Variants in ZKSCAN7 observed in about 807,000 individuals in gnomAD.
The protein encoded by ZKSCAN7 is zinc finger protein with KRAB and SCAN domains 7.
ZKSCAN7 carries 38 observed loss-of-function variants against 65.3 expected under a neutral mutation model. The observed-to-expected ratio is 0.58, with a 90% CI of 0.45 to 0.76. The LOEUF is 0.76. Among genes scored for constraint, ZKSCAN7 ranks in the 30% least tolerant of loss-of-function variants. The probability of loss-of-function intolerance (pLI) is 0.00; values close to 1 mark genes in which losing one functional copy is unlikely to be tolerated. For missense variants in ZKSCAN7, 815 were observed against 913.3 expected, an observed-to-expected ratio of 0.89 and a Z score of 1.39; for synonymous variants, 321 against 321.0, an observed-to-expected ratio of 1.00 and a Z score of 0.00.
downstream of ZKSCAN7, among the ~76,000 whole-genome samples, chr3:44,577,136 A>T (rs192634145): frequency 7.9e-5 from 12 of 152,148 alleles, no homozygotes; most frequent in Admixed American, 3.3e-4. Context: ...GCTAATTTTT[A>T]AAAAAATTTT....
At chr3:44,560,417 G>T (rs922518810) in intron 2 of ZKSCAN7, among the ~76,000 whole-genome samples, 33 of 151,878 alleles carry the variant, frequency 2.2e-4, no homozygotes, top group Non-Finnish European at 4.6e-4. Flanking sequence ...ATGTACATGT[G>T]TGCACATTGT....
At position 44,557,328 on chromosome 3, in the gene ZKSCAN7, T is replaced by C. The variant is rs1478443518; in HGVS notation, c.281T>C (p.Leu94Pro). 1 of 1,614,138 alleles carries C rather than the reference T, an allele frequency of 6.2e-7. No homozygotes were observed. Among genetic ancestry groups the C allele is most frequent in the Non-Finnish European group, 8.5e-7 (1 of 1,180,046 alleles). The part of the protein sequence containing the change: ...MPEVHTKEQI[L>P]ELLVLEQFLS... ...GAGGTGCACACCAAGGAGCAGATCC[T>C]GGAGCTGCTGGTGCTTGAGCAGTTC... The change falls in exon 2 of 6, where the codon CTG (leucine) becomes CCG (proline). Residue 94 changes from leucine to proline, a missense_variant. Physicochemically the swap from Leu to Pro is moderately conservative, Grantham distance 98. Coordinates refer to ENST00000426540, the MANE Select transcript of ZKSCAN7 (RefSeq NM_001288590.2).
At chr3:44,583,221 C>A (rs1700131369) in exon 6 of ZKSCAN7, 2 of 230,984 alleles carry the variant, frequency 8.7e-6, no homozygotes, top group Non-Finnish European at 1.7e-5. Context: ...AGCCACCACA[C>A]CCAGCCTATT....
chr3:44,580,616 G>A (rs113207159), intron 5 of ZKSCAN7: 6 of 1,613,852 alleles, frequency 3.7e-6, no homozygotes, highest in South Asian at 1.1e-5. Context: ...ACCCACTGAC[G>A]ATCTCCTTGG....
chr3:44,571,650 T>C lies in ZKSCAN7; in HGVS notation c.*275T>C. ...TTTAAAATCTATTTCATTTCTTAGTTATGCATCTCATAATCAGACTCCATG... is the reference window on the plus strand; with the variant it reads ...TTTAAAATCTATTTCATTTCTTAGTCATGCATCTCATAATCAGACTCCATG... On this transcript the variant is annotated 3_prime_UTR_variant, in exon 6 of 6. Coordinates refer to ENST00000426540, the MANE Select transcript of ZKSCAN7 (RefSeq NM_001288590.2). 1 of 1,277,078 alleles carries C rather than the reference T, an allele frequency of 7.8e-7. No individual in the cohort carries two copies. Among genetic ancestry groups the C allele is most frequent in the East Asian group, 3.5e-5 (1 of 28,910 alleles). 79.1% of individuals were successfully genotyped at this position (1,277,078 alleles called of 1,614,324 possible).
At chr3:44,577,574 C>A (rs1699945789) in intron 5 of ZKSCAN7, among the ~76,000 whole-genome samples, 1 of 152,116 alleles carries the variant, frequency 6.6e-6, no homozygotes, top group Non-Finnish European at 1.5e-5. Context: ...CGTTTCCACA[C>A]CAGCACATGG....
rs763619757 is a variant in ZKSCAN7 at position 44,570,261 on chromosome 3, G to A, written c.1151G>A (p.Arg384Gln). ...EGVLKGQKSY[R>Q]CDECGKAFNR... Reference sequence around the variant, plus strand: ...GTTTTAAAGGGACAGAAATCCTATCGATGTGATGAATGTGGCAAAGCTTTC... The same window carrying A: ...GTTTTAAAGGGACAGAAATCCTATCAATGTGATGAATGTGGCAAAGCTTTC... The change falls in exon 6 of 6, where the codon CGA (arginine) becomes CAA (glutamine). Residue 384 changes from arginine (R) to glutamine (Q), a missense_variant. Transcript: ENST00000426540. 17 of 1,614,052 alleles carry A rather than the reference G, an allele frequency of 1.1e-5. No homozygotes were observed. Among genetic ancestry groups the A allele is most frequent in the Middle Eastern group, 1.6e-4 (1 of 6,084 alleles).
intron 2 of ZKSCAN7, among the ~76,000 whole-genome samples, chr3:44,560,577 ATC>A (rs1329309135): frequency 1.4e-5 from 2 of 144,740 alleles, no homozygotes; most frequent in African/African-American, 2.6e-5. Flanking sequence ...CAGTGACACA[ATC>A]TCAGCTCACT....
intron 2 of ZKSCAN7, among the ~76,000 whole-genome samples, chr3:44,560,087 GA>G (rs1257454537): frequency 6.6e-6 from 1 of 152,166 alleles, no homozygotes; most frequent in African/African-American, 2.4e-5. Context: ...AGAAAAGGGT[GA>G]CTGTTGAGTC....
chr3:44,566,002 C>T (rs964962334), intron 3 of ZKSCAN7, among the ~76,000 whole-genome samples: 7 of 152,090 alleles, frequency 4.6e-5, no homozygotes, highest in African/African-American at 9.7e-5. Context: ...GATATCTATC[C>T]TCAAGCATTT....
At position 44,562,431 on chromosome 3, in the gene ZKSCAN7, C is replaced by T. The variant is rs60182555; in HGVS notation, c.424-3056C>T. ...GAATGTCTCTAAAATGCCCTGGAGA[C>T]GTTTTCCCCATTGTGTTGGCTATTA... On this transcript the variant is annotated intron_variant, in intron 2 of 5. Transcript: ENST00000426540. 7.6e-3 allele frequency among the ~76,000 whole-genome samples: 1,165 copies of T among 152,326 alleles called. 4 individuals carry two copies. The highest frequency in any genetic ancestry group is 0.013 in the African/African-American group (544 of 41,574).
rs549359767 is a variant in ZKSCAN7, at chr3:44,580,676, G to A, written c.812-2296G>A. On this transcript the variant is annotated intron_variant, in intron 5 of 5. Transcript: ENST00000341840. ...TCTCAGGCGTCAGAATACACAGGGAGAACCTCTGGCCCGTGCGGCCCTCCC... is the reference window on the plus strand; with the variant it reads ...TCTCAGGCGTCAGAATACACAGGGAAAACCTCTGGCCCGTGCGGCCCTCCC... 2.7e-4 allele frequency: 434 copies of A among 1,613,950 alleles called. 1 individual carries two copies. Among genetic ancestry groups the A allele is most frequent in the Middle Eastern group, 2.0e-3 (12 of 6,058 alleles).
chr3:44,572,065 T>C lies in ZKSCAN7; in HGVS notation c.*690T>C, dbSNP rs530335649. The C allele has an allele frequency of 1.0e-6, 1 of 985,234 alleles. No homozygotes were observed. Among genetic ancestry groups the C allele is most frequent in the African/African-American group, 1.7e-5 (1 of 57,382 alleles). The allele number at this position is 985,234 out of a possible 1,614,324, so 61.0% of individuals were successfully genotyped here. A position where few individuals can be genotyped will look rare whatever the true frequency, so the allele number is the denominator to read the frequency against. ...GTCTGTATACTTTTATACCAACTTA[T>C]TGTAGGCTCTTTGAGGTCAGGTATG... On this transcript the variant is annotated 3_prime_UTR_variant, in exon 6 of 6. Coordinates refer to ENST00000426540, the MANE Select transcript of ZKSCAN7 (RefSeq NM_001288590.2).
At chr3:44,580,081 C>T (rs958004908) in intron 5 of ZKSCAN7, 8 of 1,604,528 alleles carry the variant, frequency 5.0e-6, no homozygotes, top group Admixed American at 1.7e-5. Context: ...GCATTGGTCT[C>T]CATGTGCTCT....
At chr3:44,575,267 G>A (rs1699900224), downstream of ZKSCAN7, among the ~76,000 whole-genome samples, 1 of 152,208 alleles carries the variant, frequency 6.6e-6, no homozygotes, top group Non-Finnish European at 1.5e-5. Context: ...CTGCAATCTA[G>A]CCTAGGCAAT....
intron 2 of ZKSCAN7, among the ~76,000 whole-genome samples, chr3:44,558,370 CAA>C (rs1699361007): frequency 6.6e-6 from 1 of 151,862 alleles, no homozygotes; most frequent in Admixed American, 6.6e-5. Flanking sequence ...ACTAAAAATA[CAA>C]AAATTTGCTA....
chr3:44,565,677 G>T (rs1186116409), intron 3 of ZKSCAN7, 22 bp downstream of exon 3: 5 of 1,553,018 alleles, frequency 3.2e-6, no homozygotes, highest in East Asian at 2.3e-5. Flanking sequence ...CCCAGCTTTG[G>T]CCTTAAGTCA....
At position 44,557,063 on chromosome 3, in the gene ZKSCAN7, AG is replaced by A; in HGVS notation, c.20del (p.Gly7GlufsTer3). 6.2e-7 allele frequency: 1 copy of A among 1,614,244 alleles called. No individual in the cohort carries two copies. The highest frequency in any genetic ancestry group is 8.5e-7 in the Non-Finnish European group (1 of 1,180,042). ...TGGGGTCACAATGACCACTGCAGGCAGGGGAAATTTAGGCCTCATCCCCAGG... is the reference window on the plus strand; with the variant it reads ...TGGGGTCACAATGACCACTGCAGGCAGGGAAATTTAGGCCTCATCCCCAGG... Reference protein sequence around the residue: MTTAGRGNLGLIPRST... With the variant: MTTAGXGNLGLIPRST... On this transcript the variant is annotated frameshift_variant, in exon 2 of 6. Transcript: ENST00000426540. LOFTEE classifies it high-confidence loss of function.
rs1306599404 is a variant in ZKSCAN7, at chr3:44,571,774, T to C, written c.*399T>C. On this transcript the variant is annotated 3_prime_UTR_variant, in exon 6 of 6. Transcript: ENST00000426540. ...TCAAAAAGGCTGATTCATGCCTTCC[T>C]GCCTCTTGGCTATGGCCCTCCCCAT... 2 of 1,021,370 alleles carry C rather than the reference T, an allele frequency of 2.0e-6. No homozygotes were observed. Among genetic ancestry groups the C allele is most frequent in the Non-Finnish European group, 2.3e-6 (2 of 851,064 alleles). The allele number at this position is 1,021,370 out of a possible 1,614,324, so 63.3% of individuals were successfully genotyped here. A position where few individuals can be genotyped will look rare whatever the true frequency, so the allele number is the denominator to read the frequency against.
Sources: allele counts gnomAD v4.1 joint callset (sites outside exome capture counted in the v4.1 genomes callset), GRCh38; gene constraint gnomAD v4.1.1; transcripts MANE v1.5; gene names NCBI Gene and HGNC (gene_info 2026-07-23, HGNC 2026-07-21).